The following SBNO1 variants were observed in gnomAD, a reference collection of about 807,000 sequenced individuals.
SBNO1 encodes the protein strawberry notch homolog 1, also known as protein strawberry notch homolog 1.
In SBNO1, 23 loss-of-function variants were observed where a neutral mutation model predicts 173.6. That is an observed-to-expected ratio of 0.13 (90% confidence interval 0.10 to 0.19). The LOEUF (loss-of-function observed/expected upper bound fraction) is 0.19. Among genes scored for constraint, SBNO1 ranks in the 10% least tolerant of loss-of-function variants. The pLI is 1.00. For missense variants in SBNO1, 1,238 were observed against 1,671.2 expected (o/e 0.74, Z 4.52); for synonymous variants, 632 against 571.5 (o/e 1.11, Z -1.51).
intron 5 of SBNO1, among the ~76,000 whole-genome samples, chr12:123,337,032 G>T (rs985319704): frequency 6.6e-6 from 1 of 152,146 alleles, no homozygotes; most frequent in Non-Finnish European, 1.5e-5. Flanking sequence ...AACCCCAGAA[G>T]ACTGGAGTTT....
chr12:123,351,320 C>G (rs1873853625), intron 1 of SBNO1, among the ~76,000 whole-genome samples: 2 of 152,186 alleles, frequency 1.3e-5, no homozygotes, highest in Admixed American at 6.6e-5. Context: ...TGAGGACTAC[C>G]TGACACGGCA....
chr12:123,303,538 A>C (rs1446198778), intron 29 of SBNO1, among the ~76,000 whole-genome samples: 1 of 152,188 alleles, frequency 6.6e-6, no homozygotes, highest in Non-Finnish European at 1.5e-5. Flanking sequence ...AATCCCAGCT[A>C]CTTGGGAAGC....
intron 6 of SBNO1, among the ~76,000 whole-genome samples, chr12:123,335,549 T>C (rs1184040539): frequency 3.9e-5 from 6 of 152,202 alleles, no homozygotes; most frequent in Admixed American, 1.3e-4. Flanking sequence ...TACATTAAAA[T>C]AATGATCTGG....
chr12:123,327,428 G>A lies in SBNO1; in HGVS notation c.1690C>T (p.Leu564=). 6.2e-7 allele frequency: 1 copy of A among 1,607,720 alleles called. No homozygotes were observed. Among genetic ancestry groups the A allele is most frequent in the South Asian group, 1.1e-5 (1 of 89,546 alleles). The change falls in exon 13 of 32, where the codon CTG becomes TTG. Residue 564 remains leucine (L), a splice_region_variant and synonymous_variant. Transcript: ENST00000602398. ...YVKMYNKAVK[L]WVIARERFQQ... ...AGGAATTAAGAAAAATTCCTCACCA[G>A]CTTGACAGCTTTGTTATACATTTTA...
At chr12:123,361,864 G>A (rs1875245724) in intron 1 of SBNO1, among the ~76,000 whole-genome samples, 1 of 152,184 alleles carries the variant, frequency 6.6e-6, no homozygotes, top group Non-Finnish European at 1.5e-5. Context: ...TCTGAGGCCA[G>A]GCGCGGTGGC....
intron 13 of SBNO1, among the ~76,000 whole-genome samples, chr12:123,326,898 G>A (rs1476220791): frequency 1.3e-5 from 2 of 152,132 alleles, no homozygotes; most frequent in African/African-American, 4.8e-5. Flanking sequence ...CTGTACTCCA[G>A]TCTGGGTGAC....
intron 20 of SBNO1, 26 bp downstream of exon 20, chr12:123,319,874 C>T: frequency 6.2e-7 from 1 of 1,608,530 alleles, no homozygotes; most frequent in Non-Finnish European, 8.5e-7. Context: ...GTTCTTTTCA[C>T]TGAGAAGCAT....
chr12:123,316,711 T>TC (rs1282955118), intron 21 of SBNO1, among the ~76,000 whole-genome samples: 1 of 149,738 alleles, frequency 6.7e-6, no homozygotes, highest in Non-Finnish European at 1.5e-5. Context: ...TTCTTTTTTT[T>TC]TTTTTTTTTG....
At chr12:123,327,111 T>C (rs766236792) in intron 13 of SBNO1, among the ~76,000 whole-genome samples, 5 of 152,150 alleles carry the variant, frequency 3.3e-5, no homozygotes, top group Admixed American at 6.5e-5. Context: ...GTTCAAGCGA[T>C]TCTCCTGCCT....
At position 123,331,358 on chromosome 12, in the gene SBNO1, T is replaced by G. The variant is rs775574803; in HGVS notation, c.927A>C (p.Leu309=). 6.2e-7 allele frequency: 1 copy of G among 1,613,786 alleles called. No homozygotes were observed. Among genetic ancestry groups the G allele is most frequent in the African/African-American group, 1.3e-5 (1 of 75,046 alleles). Residue 309 remains leucine (L), a synonymous_variant, in exon 8 of 32, where the codon CTA becomes CTC. Coordinates refer to ENST00000602398, the MANE Select transcript of SBNO1 (RefSeq NM_001167856.3). ...TYAAQQHETF[L]PNGDRAGFLI... is the part of the protein sequence containing the mutation. ...AGAAGCCAGCACGATCTCCATTAGGTAGGAAAGTTTCATGTTGCTGAAAAA... is the reference window on the plus strand; with the variant it reads ...AGAAGCCAGCACGATCTCCATTAGGGAGGAAAGTTTCATGTTGCTGAAAAA...
At chr12:123,342,484 T>A (rs965337055) in intron 4 of SBNO1, among the ~76,000 whole-genome samples, 8 of 151,912 alleles carry the variant, frequency 5.3e-5, no homozygotes, top group Non-Finnish European at 1.0e-4. Flanking sequence ...AAACCTGGGG[T>A]TATCACCCAA....
At chr12:123,343,606 T>C (rs1452530924) in intron 4 of SBNO1, among the ~76,000 whole-genome samples, 1 of 149,774 alleles carries the variant, frequency 6.7e-6, no homozygotes, top group East Asian at 2.0e-4. Flanking sequence ...TGGCGCCATC[T>C]CAGCTGACTG....
chr12:123,321,228 C>T (rs923388416), intron 17 of SBNO1, among the ~76,000 whole-genome samples: 1 of 152,124 alleles, frequency 6.6e-6, no homozygotes, highest in African/African-American at 2.4e-5. Flanking sequence ...CATGAGCCAC[C>T]GCGCCTGGAT....
intron 4 of SBNO1, among the ~76,000 whole-genome samples, chr12:123,342,973 T>C (rs1422756442): frequency 6.6e-6 from 1 of 152,084 alleles, no homozygotes; most frequent in Non-Finnish European, 1.5e-5. Flanking sequence ...ACAGGCCAGG[T>C]GCTCACGCCT....
At position 123,291,201 on chromosome 12, in the gene SBNO1, C is replaced by T. The variant is rs2048506357; in HGVS notation, c.*4707G>A. On this transcript the variant is annotated 3_prime_UTR_variant, in exon 32 of 32. Coordinates refer to ENST00000602398, the MANE Select transcript of SBNO1 (RefSeq NM_001167856.3). ...TTGTAGGTTAAAAGCATAGGCCCGA[C>T]TTCTTAAATAAACATAGGGAATTTG... 1 of 152,152 alleles carries T rather than the reference C, an allele frequency of 6.6e-6. No homozygotes were observed. Among genetic ancestry groups the T allele is most frequent in the African/African-American group, 2.4e-5 (1 of 41,436 alleles). The allele number at this position is 152,152 out of a possible 1,614,324, so 9.4% of individuals were successfully genotyped here. A position where few individuals can be genotyped will look rare whatever the true frequency, so the allele number is the denominator to read the frequency against.
At chr12:123,312,580 C>T (rs1365277230) in intron 24 of SBNO1, among the ~76,000 whole-genome samples, 1 of 151,838 alleles carries the variant, frequency 6.6e-6, no homozygotes, top group Admixed American at 6.6e-5. Context: ...GGTATGGTGG[C>T]GGGCACCTGT....
chr12:123,357,953 T>G (rs1874653448), intron 1 of SBNO1, among the ~76,000 whole-genome samples: 1 of 152,182 alleles, frequency 6.6e-6, no homozygotes. Flanking sequence ...TGGGGGGAAT[T>G]AAACAACTTT....
intron 4 of SBNO1, among the ~76,000 whole-genome samples, chr12:123,341,512 T>C (rs1411190603): frequency 6.6e-6 from 1 of 152,180 alleles, no homozygotes; most frequent in East Asian, 1.9e-4. Context: ...TCAATCTGCC[T>C]ATAACTAATT....
rs776732382 is a variant in SBNO1 at position 123,326,139 on chromosome 12, T to C, written c.1875+13A>G. ...AACCCCCAAACAATCTCTTAATGAGTTCTTCTACTTACTTTTCCATTCTTG... is the reference window on the plus strand; with the variant it reads ...AACCCCCAAACAATCTCTTAATGAGCTCTTCTACTTACTTTTCCATTCTTG... On this transcript the variant is annotated intron_variant, in intron 14 of 31. Transcript: ENST00000602398. 6.3e-7 allele frequency: 1 copy of C among 1,580,014 alleles called. No individual in the cohort carries two copies. Among genetic ancestry groups the C allele is most frequent in the Non-Finnish European group, 8.6e-7 (1 of 1,159,208 alleles).
Sources: gnomAD v4.1 joint callset for allele counts (sites outside exome capture counted in the v4.1 genomes callset) on GRCh38, gnomAD v4.1.1 for gene constraint, MANE v1.5 for transcripts, NCBI Gene and HGNC (gene_info 2026-07-23, HGNC 2026-07-21) for gene names.